C3orf20: variants seen among roughly 807,000 people sequenced by gnomAD.
C3orf20 encodes uncharacterized protein C3orf20.
A neutral mutation model predicts 88.3 loss-of-function variants in C3orf20; 76 were observed. The ratio of observed to expected loss-of-function variants is 0.86; its 90% CI spans 0.72 to 1.04. The LOEUF (loss-of-function observed/expected upper bound fraction) is 1.04, where lower values mean the gene tolerates loss of function less well. C3orf20 is among the 50% of genes least tolerant of loss of function. The probability of loss-of-function intolerance (pLI) is 0.00; values close to 1 mark genes in which losing one functional copy is unlikely to be tolerated. For missense variants in C3orf20, 1,056 were observed against 1,123.3 expected (o/e 0.94, Z 0.86); for synonymous variants, 436 against 437.4 (o/e 1.00, Z 0.04).
At chr3:14,677,422 T>C (rs2124869900) in intron 1 of C3orf20, among the ~76,000 whole-genome samples, 1 of 152,292 alleles carries the variant, frequency 6.6e-6, no homozygotes, top group Middle Eastern at 3.4e-3. Flanking sequence ...CACCATCATG[T>C]ACCCCTGGCA....
intron 1 of C3orf20, among the ~76,000 whole-genome samples, chr3:14,680,871 G>A (rs113122944): frequency 3.9e-5 from 6 of 152,202 alleles, no homozygotes; most frequent in Admixed American, 6.5e-5. Context: ...CCAGATGACC[G>A]GGATTCTGAG....
chr3:14,691,341 C>T (rs946499927), intron 5 of C3orf20, among the ~76,000 whole-genome samples: 2 of 152,186 alleles, frequency 1.3e-5, no homozygotes, highest in African/African-American at 4.8e-5. Flanking sequence ...CATGTGCCCT[C>T]CTGAGCTGGC....
intron 9 of C3orf20, among the ~76,000 whole-genome samples, chr3:14,719,379 T>C (rs894963109): frequency 5.9e-5 from 9 of 152,158 alleles, no homozygotes; most frequent in Admixed American, 5.9e-4. Flanking sequence ...AAAGGGGTCA[T>C]TTCAATAAAA....
chr3:14,749,129 A>G (rs2035145642), intron 12 of C3orf20, among the ~76,000 whole-genome samples: 1 of 152,130 alleles, frequency 6.6e-6, no homozygotes, highest in African/African-American at 2.4e-5. Context: ...TAGGGACTCT[A>G]TTGTTACATG....
Position 14,772,457 on chromosome 3 carries a change from G to T in C3orf20, c.2630+256G>T, listed in dbSNP as rs1298887646. ...AGAACCCCACAGCCCAGACCCATTA[G>T]TCTGAGAAGGGTGGAGACTGCCCCG... On this transcript the variant is annotated intron_variant, in intron 16 of 16. Coordinates refer to ENST00000253697, the MANE Select transcript of C3orf20 (RefSeq NM_032137.5). The surrounding 1 kb of genome is among the most constrained non-coding windows in gnomAD (Gnocchi z 4.2). Among the ~76,000 whole-genome samples the T allele has an allele frequency of 6.6e-6, 1 of 152,230 alleles. No homozygotes were observed. The highest frequency in any genetic ancestry group is 1.5e-5 in the Non-Finnish European group (1 of 68,036).
Position 14,698,646 on chromosome 3 carries a change from G to A in C3orf20, c.746-4484G>A, listed in dbSNP as rs575091849. ...CAAATGGAGTCTCTCTCTGTGCTGA[G>A]CCACCTGGAGCTGGGGATGGGGTTA... On this transcript the variant is annotated intron_variant, in intron 5 of 16. Coordinates refer to ENST00000253697, the MANE Select transcript of C3orf20 (RefSeq NM_032137.5). Among the ~76,000 whole-genome samples, 11 of 152,342 alleles carry A rather than the reference G, an allele frequency of 7.2e-5. No individual in the cohort carries two copies. In the East Asian group the frequency reaches 1.7e-3, roughly 24 times the overall value.
At chr3:14,735,837 C>T (rs1221004572) in intron 12 of C3orf20, among the ~76,000 whole-genome samples, 4 of 152,112 alleles carry the variant, frequency 2.6e-5, no homozygotes, top group Non-Finnish European at 4.4e-5. Context: ...TCAAGTGATC[C>T]ACCTGCCTCA....
At position 14,715,447 on chromosome 3, in the gene C3orf20, C is replaced by T. The variant is rs756545577; in HGVS notation, c.1434+38C>T. On this transcript the variant is annotated intron_variant, in intron 9 of 16. Transcript: ENST00000253697. ...AGCACAGGTTGGGTGGCAGTGAGCA[C>T]CACTGTCACAGGGAGGGTCTGGGCA... 8 of 1,591,348 alleles carry T rather than the reference C, an allele frequency of 5.0e-6. No homozygotes were observed. The East Asian group carries it at 1.6e-4, about 31-fold the overall frequency.
intron 15 of C3orf20, among the ~76,000 whole-genome samples, chr3:14,762,314 T>C (rs574620304): frequency 2.9e-4 from 44 of 152,230 alleles, no homozygotes; most frequent in Non-Finnish European, 5.4e-4. Flanking sequence ...GCCAACTTGT[T>C]GAGCACCTCC....
At chr3:14,743,654 A>C (rs2034979681) in intron 12 of C3orf20, among the ~76,000 whole-genome samples, 1 of 152,028 alleles carries the variant, frequency 6.6e-6, no homozygotes, top group East Asian at 1.9e-4. Context: ...CCCTGCAGCA[A>C]ACTTTTGCCT....
chr3:14,708,607 C>G (rs2033617448), intron 7 of C3orf20, among the ~76,000 whole-genome samples: 1 of 151,936 alleles, frequency 6.6e-6, no homozygotes, highest in African/African-American at 2.4e-5. Context: ...CTGTAGATCA[C>G]TTTGGGGAGT....
At chr3:14,748,295 G>A (rs987068286) in intron 12 of C3orf20, among the ~76,000 whole-genome samples, 1 of 152,014 alleles carries the variant, frequency 6.6e-6, no homozygotes, top group Non-Finnish European at 1.5e-5. Context: ...TTTAAATTCT[G>A]TAAGGTTGGT....
chr3:14,709,078 G>C (rs1286641011), intron 7 of C3orf20, among the ~76,000 whole-genome samples: 1 of 152,118 alleles, frequency 6.6e-6, no homozygotes, highest in East Asian at 1.9e-4. Context: ...AAAATACTTA[G>C]GAATAAATAA....
intron 5 of C3orf20, among the ~76,000 whole-genome samples, chr3:14,696,490 A>G (rs1203860256): frequency 6.6e-5 from 10 of 151,676 alleles, no homozygotes; most frequent in African/African-American, 2.4e-4. Context: ...TACTGAGTTC[A>G]AGCAAGCCTC....
At chr3:14,704,313 A>G in intron 6 of C3orf20, 24 bp from the exon 7 acceptor site, 2 of 1,612,562 alleles carry the variant, frequency 1.2e-6, no homozygotes, top group African/African-American at 1.3e-5. Context: ...AGGCTAGACA[A>G]TATATTGCTC....
chr3:14,682,560 C>T lies in C3orf20; in HGVS notation c.-136-18C>T. 9.6e-7 allele frequency: 1 copy of T among 1,037,380 alleles called. No individual in the cohort carries two copies. Among genetic ancestry groups the T allele is most frequent in the East Asian group, 2.4e-5 (1 of 41,858 alleles). 64.3% of individuals were successfully genotyped at this position (1,037,380 alleles called of 1,614,324 possible). A position where few individuals can be genotyped will look rare whatever the true frequency, so the allele number is the denominator to read the frequency against. On this transcript the variant is annotated intron_variant, in intron 2 of 16. Coordinates refer to ENST00000253697, the MANE Select transcript of C3orf20 (RefSeq NM_032137.5). ...TATGGGGAGAGTGACTAACTCTTTT[C>T]TTGTCCTTTCCGGATAGGAACCACT...
At chr3:14,759,533 C>T (rs2035492586) in intron 13 of C3orf20, among the ~76,000 whole-genome samples, 1 of 152,134 alleles carries the variant, frequency 6.6e-6, no homozygotes, top group African/African-American at 2.4e-5. Flanking sequence ...GGAAACGGGT[C>T]CACCTAAGAA....
rs755648174 is a variant in C3orf20 at position 14,757,653 on chromosome 3, C to T, written c.2223C>T (p.Gly741=). Residue 741 remains glycine (G), a synonymous_variant, in exon 13 of 17, where the codon GGC becomes GGT. Coordinates refer to ENST00000253697, the MANE Select transcript of C3orf20 (RefSeq NM_032137.5). ...LNTLYNHQQR[G]RGSPCIQCRY... is the part of the protein sequence containing the mutation. ...CTCTCTACAACCACCAGCAGCGGGGCCGTGGCTCCCCCTGCATCCAGGTTG... is the reference window on the plus strand; with the variant it reads ...CTCTCTACAACCACCAGCAGCGGGGTCGTGGCTCCCCCTGCATCCAGGTTG... 8 of 1,610,162 alleles carry T rather than the reference C, an allele frequency of 5.0e-6. No homozygotes were observed. The highest frequency in any genetic ancestry group is 1.7e-5 in the Admixed American group (1 of 59,954).
chr3:14,720,774 T>C (rs1205770962), intron 9 of C3orf20, among the ~76,000 whole-genome samples: 2 of 152,264 alleles, frequency 1.3e-5, no homozygotes, highest in Non-Finnish European at 2.9e-5. Flanking sequence ...TGCTCTACCT[T>C]GTCTTGACAA....
Sources: gnomAD v4.1 joint callset for allele counts (sites outside exome capture counted in the v4.1 genomes callset) on GRCh38, gnomAD v4.1.1 for gene constraint, Gnocchi (gnomAD v3.1) non-coding constraint, MANE v1.5 for transcripts, NCBI Gene and HGNC (gene_info 2026-07-23, HGNC 2026-07-21) for gene names.